Variants in LHFPL3 observed in about 807,000 individuals in gnomAD.
The protein encoded by LHFPL3 is LHFPL tetraspan subfamily member 3 protein.
A neutral mutation model predicts 19.3 loss-of-function variants in LHFPL3; 5 were observed. The ratio of observed to expected loss-of-function variants is 0.26; its 90% CI spans 0.14 to 0.54. The LOEUF (loss-of-function observed/expected upper bound fraction) is 0.54. Ranked by LOEUF, LHFPL3 falls within the 20% of genes least tolerant of loss-of-function variation. LHFPL3 has a pLI of 0.94. For missense variants in LHFPL3, 249 were observed against 307.4 expected (o/e 0.81, Z 1.42); for synonymous variants, 133 against 126.2 (o/e 1.05, Z -0.36).
intron 2 of LHFPL3, among the ~76,000 whole-genome samples, chr7:104,751,281 C>T (rs893316899): frequency 1.1e-4 from 17 of 150,124 alleles, no homozygotes; most frequent in Non-Finnish European, 3.0e-5. Flanking sequence ...TTTTCATCGG[C>T]AATTGACTTT....
chr7:104,427,965 C>G (rs561118130), intron 1 of LHFPL3, among the ~76,000 whole-genome samples: 7 of 152,320 alleles, frequency 4.6e-5, no homozygotes, highest in Non-Finnish European at 8.8e-5. Flanking sequence ...GATTACATAG[C>G]ATATGCCAGA....
At chr7:104,534,690 T>G (rs2115855224) in intron 1 of LHFPL3, among the ~76,000 whole-genome samples, 1 of 152,314 alleles carries the variant, frequency 6.6e-6, no homozygotes, top group Middle Eastern at 3.4e-3. Context: ...CAAAATAATT[T>G]CTCACCCTAC....
chr7:104,707,419 C>T (rs1195421774), intron 1 of LHFPL3, among the ~76,000 whole-genome samples: 2 of 152,176 alleles, frequency 1.3e-5, no homozygotes, highest in African/African-American at 2.4e-5. Context: ...TAGGAATTAC[C>T]AGGGTGTACT....
chr7:104,689,739 G>A (rs535917983), intron 1 of LHFPL3, among the ~76,000 whole-genome samples: 17 of 152,154 alleles, frequency 1.1e-4, no homozygotes, highest in Non-Finnish European at 1.9e-4. Flanking sequence ...TTGATTCCAG[G>A]GGACCCAAAG....
At chr7:104,795,815 G>C (rs1790112260) in intron 2 of LHFPL3, among the ~76,000 whole-genome samples, 1 of 152,116 alleles carries the variant, frequency 6.6e-6, no homozygotes, top group Non-Finnish European at 1.5e-5. Flanking sequence ...ATTACTCATA[G>C]CTTTGCCTTG....
intron 1 of LHFPL3, among the ~76,000 whole-genome samples, chr7:104,521,664 T>G (rs1264641923): frequency 3.9e-5 from 6 of 152,016 alleles, no homozygotes; most frequent in African/African-American, 7.3e-5. Flanking sequence ...ATATCCAGAA[T>G]CTACAATGAA....
At chr7:104,521,767 C>T (rs1378663444) in intron 1 of LHFPL3, among the ~76,000 whole-genome samples, 1 of 152,126 alleles carries the variant, frequency 6.6e-6, no homozygotes, top group Admixed American at 6.6e-5. Flanking sequence ...ATTTATGTAG[C>T]CAAAAAACAC....
chr7:104,739,359 T>C (rs1793888961), intron 2 of LHFPL3, among the ~76,000 whole-genome samples: 1 of 152,246 alleles, frequency 6.6e-6, no homozygotes, highest in Non-Finnish European at 1.5e-5. Context: ...ATGTTGTATG[T>C]GTGAATATAG....
chr7:104,426,865 C>T (rs1177676761), intron 1 of LHFPL3, among the ~76,000 whole-genome samples: 4 of 152,094 alleles, frequency 2.6e-5, no homozygotes, highest in African/African-American at 9.7e-5. Context: ...TAGTCTTCTT[C>T]TTTTACTAGA....
chr7:104,656,916 A>T (rs889380850), intron 1 of LHFPL3, among the ~76,000 whole-genome samples: 4 of 152,238 alleles, frequency 2.6e-5, no homozygotes, highest in African/African-American at 9.6e-5. Context: ...AATCCATGTT[A>T]CATCTGTTTT....
intron 1 of LHFPL3, among the ~76,000 whole-genome samples, chr7:104,643,952 C>T (rs1002076063): frequency 6.6e-6 from 1 of 152,126 alleles, no homozygotes; most frequent in Non-Finnish European, 1.5e-5. Context: ...TGGTGAGCTT[C>T]GATAAGCTAA....
At chr7:104,515,413 C>T (rs891245261) in intron 1 of LHFPL3, among the ~76,000 whole-genome samples, 1 of 152,130 alleles carries the variant, frequency 6.6e-6, no homozygotes, top group Non-Finnish European at 1.5e-5. Context: ...GATTTCATGA[C>T]TTTTATGCAC....
At chr7:104,430,370 GTATATA>G (rs1296589956) in intron 1 of LHFPL3, among the ~76,000 whole-genome samples, 2 of 61,426 alleles carry the variant, frequency 3.3e-5, no homozygotes, top group African/African-American at 1.2e-4. Flanking sequence ...ATTTCTGTGG[GTATATA>G]TATATACATA....
intron 1 of LHFPL3, among the ~76,000 whole-genome samples, chr7:104,578,232 C>T (rs1790380745): frequency 6.6e-6 from 1 of 152,216 alleles, no homozygotes; most frequent in Middle Eastern, 3.2e-3. Flanking sequence ...AAAAGGTTTT[C>T]TCCAGGTGTG....
At chr7:104,419,099 A>G (rs1330863222) in intron 1 of LHFPL3, among the ~76,000 whole-genome samples, 2 of 152,258 alleles carry the variant, frequency 1.3e-5, no homozygotes, top group Admixed American at 6.5e-5. Context: ...TTGTCTAAAT[A>G]AAACCAGCAG....
chr7:104,840,043 TA>T (rs1791165867), intron 2 of LHFPL3, among the ~76,000 whole-genome samples: 1 of 151,890 alleles, frequency 6.6e-6, no homozygotes, highest in African/African-American at 2.4e-5. Context: ...TTGACAATTA[TA>T]ATCAATAATT....
intron 1 of LHFPL3, among the ~76,000 whole-genome samples, chr7:104,616,914 T>C (rs754622963): frequency 8.5e-5 from 13 of 152,204 alleles, no homozygotes; most frequent in South Asian, 4.1e-4. Flanking sequence ...TCATCATCAC[T>C]GGTCATTAGA....
chr7:104,416,022 C>T (rs1481946265), intron 1 of LHFPL3, among the ~76,000 whole-genome samples: 1 of 152,194 alleles, frequency 6.6e-6, no homozygotes, highest in Non-Finnish European at 1.5e-5. Context: ...TCCAGTACCT[C>T]AGAACATGAC....
chr7:104,460,288 G>A (rs1009037235), intron 1 of LHFPL3, among the ~76,000 whole-genome samples: 8 of 152,080 alleles, frequency 5.3e-5, no homozygotes, highest in Admixed American at 6.5e-5. Context: ...CTTTGCTATT[G>A]TGAATAGTAC....
Sources: allele counts gnomAD v4.1 joint callset (sites outside exome capture counted in the v4.1 genomes callset), GRCh38; gene constraint gnomAD v4.1.1; transcripts MANE v1.5; gene names NCBI Gene and HGNC (gene_info 2026-07-23, HGNC 2026-07-21).